CNTN1: variants seen among roughly 807,000 people sequenced by gnomAD.
CNTN1 encodes the protein contactin-1.
Under a neutral mutation model 126.4 loss-of-function variants are expected in CNTN1, and 38 were observed. That is an observed-to-expected ratio of 0.30 (90% CI 0.23 to 0.39). The LOEUF (loss-of-function observed/expected upper bound fraction) is 0.39. Ranked by LOEUF, CNTN1 falls within the 10% of genes least tolerant of loss-of-function variation. The pLI, the probability that CNTN1 is intolerant of heterozygous loss-of-function variation, is 1.00. For missense variants in CNTN1, 1,009 were observed against 1,248.4 expected, an observed-to-expected ratio of 0.81 and a Z score of 2.89; for synonymous variants, 413 against 422.6, an observed-to-expected ratio of 0.98 and a Z score of 0.28.
In CNTN1 at chr12:40,923,199, A is replaced by C; in HGVS notation, c.400+771A>C. On this transcript the variant is annotated intron_variant, in intron 5 of 23. Coordinates refer to ENST00000551295, the MANE Select transcript of CNTN1 (RefSeq NM_001843.4). Reference sequence around the variant, plus strand: ...AATTTAATTATATTTTAGTTAATTTATTTTAAATTTAAATTACATGAAACA... The same window carrying C: ...AATTTAATTATATTTTAGTTAATTTCTTTTAAATTTAAATTACATGAAACA... Among the ~76,000 whole-genome samples the C allele has an allele frequency of 2.0e-5, 3 of 152,138 alleles. No homozygotes were observed. The Middle Eastern group carries it at 0.01, about 517-fold the overall frequency.
chr12:41,048,223 C>G (rs1949588768), intron 23 of CNTN1, among the ~76,000 whole-genome samples: 1 of 152,180 alleles, frequency 6.6e-6, no homozygotes, highest in African/African-American at 2.4e-5. Context: ...TTCATGACCA[C>G]AAAACTTCAA....
chr12:40,857,029 A>C (rs1019917128), intron 1 of CNTN1, among the ~76,000 whole-genome samples: 3 of 152,126 alleles, frequency 2.0e-5, no homozygotes, highest in African/African-American at 4.8e-5. Flanking sequence ...TGACATACAT[A>C]TTAATAAGAG....
intron 1 of CNTN1, among the ~76,000 whole-genome samples, chr12:40,721,581 A>G (rs1942214423): frequency 6.6e-6 from 1 of 151,288 alleles, no homozygotes; most frequent in South Asian, 2.1e-4. Context: ...TTTAAGTTTT[A>G]GGGTACATGT....
At chr12:40,938,731 GA>G (rs1343269680) in intron 11 of CNTN1, among the ~76,000 whole-genome samples, 1 of 152,136 alleles carries the variant, frequency 6.6e-6, no homozygotes, top group Non-Finnish European at 1.5e-5. Flanking sequence ...ACAGAATTCA[GA>G]GTTAATTTTA....
At chr12:40,696,437 A>G (rs1036739804) in intron 1 of CNTN1, among the ~76,000 whole-genome samples, 4 of 152,260 alleles carry the variant, frequency 2.6e-5, no homozygotes, top group Non-Finnish European at 5.9e-5. Flanking sequence ...GGATGAGTCC[A>G]GTAGGCAAGT....
At chr12:40,880,897 T>C (rs12318890) in intron 1 of CNTN1, among the ~76,000 whole-genome samples, 14,448 of 151,954 alleles carry the variant, frequency 0.095, 879 homozygotes, top group African/African-American at 0.16. Context: ...GAAACTTTGG[T>C]TTGCTTCTGA....
intron 1 of CNTN1, among the ~76,000 whole-genome samples, chr12:40,696,174 A>G (rs1941447396): frequency 6.6e-6 from 1 of 152,242 alleles, no homozygotes; most frequent in Non-Finnish European, 1.5e-5. Context: ...TATTGTAGCA[A>G]TTGTAATGCA....
chr12:40,940,469 G>A (rs1946229434), intron 12 of CNTN1, among the ~76,000 whole-genome samples: 1 of 152,090 alleles, frequency 6.6e-6, no homozygotes, highest in Admixed American at 6.6e-5. Context: ...TTGAAAGACT[G>A]TTATTACTCA....
chr12:40,736,028 T>C (rs1937662767), intron 1 of CNTN1, among the ~76,000 whole-genome samples: 1 of 151,996 alleles, frequency 6.6e-6, no homozygotes, highest in African/African-American at 2.4e-5. Context: ...TGCAGCTGTC[T>C]CAGAAAGATG....
chr12:40,812,380 T>A (rs1475055274), intron 1 of CNTN1, among the ~76,000 whole-genome samples: 1 of 152,130 alleles, frequency 6.6e-6, no homozygotes, highest in Non-Finnish European at 1.5e-5. Context: ...GTTCTGTGTA[T>A]GTCTTGTGTT....
intron 1 of CNTN1, among the ~76,000 whole-genome samples, chr12:40,714,010 G>A (rs975831378): frequency 6.6e-6 from 1 of 151,980 alleles, no homozygotes; most frequent in African/African-American, 2.4e-5. Flanking sequence ...TCACTGGAAA[G>A]ATCTTATTTT....
chr12:41,000,621 CAT>C (rs1401993697), intron 17 of CNTN1, among the ~76,000 whole-genome samples: 2 of 122,178 alleles, frequency 1.6e-5, no homozygotes, highest in African/African-American at 7.0e-5. Flanking sequence ...ACAAAATAAT[CAT>C]ATAGTTTTAT....
intron 1 of CNTN1, among the ~76,000 whole-genome samples, chr12:40,731,559 G>T (rs149800822): frequency 6.6e-6 from 1 of 151,778 alleles, no homozygotes; most frequent in South Asian, 2.1e-4. Context: ...TATTTTGCTC[G>T]CAGGGATTTT....
intron 1 of CNTN1, among the ~76,000 whole-genome samples, chr12:40,897,933 T>G (rs1944469416): frequency 6.6e-6 from 1 of 152,234 alleles, no homozygotes; most frequent in South Asian, 2.1e-4. Flanking sequence ...TAAGGTGCCA[T>G]GATTTTAACA....
chr12:40,985,783 C>T (rs1947941523), intron 16 of CNTN1, among the ~76,000 whole-genome samples: 1 of 152,052 alleles, frequency 6.6e-6, no homozygotes, highest in African/African-American at 2.4e-5. Flanking sequence ...CTGCTCTACT[C>T]TCTCTTCTTG....
intron 1 of CNTN1, among the ~76,000 whole-genome samples, chr12:40,871,629 A>G (rs1011227466): frequency 2.0e-5 from 3 of 152,204 alleles, no homozygotes; most frequent in African/African-American, 7.2e-5. Context: ...TGATCCCCAA[A>G]GAGACAGAGG....
intron 1 of CNTN1, among the ~76,000 whole-genome samples, chr12:40,757,608 CA>C (rs1938663712): frequency 2.0e-5 from 3 of 152,126 alleles, no homozygotes; most frequent in Non-Finnish European, 4.4e-5. Context: ...GTATTGGTTT[CA>C]GCTTCCACTA....
rs1409398926 is a variant in CNTN1 at position 40,980,415 on chromosome 12, C to T, written c.1805-494C>T. 2.0e-5 allele frequency among the ~76,000 whole-genome samples: 3 copies of T among 148,504 alleles called. No homozygotes were observed. The Admixed American group carries it at 2.0e-4, about 10-fold the overall frequency. On this transcript the variant is annotated intron_variant, in intron 15 of 23. Transcript: ENST00000551295. ...GTGAGCCATGATCATCCCCACTGCA[C>T]TCCAGCCTGGGTGACAGAGTGAGAC...
chr12:40,902,284 A>G (rs1425679705), intron 1 of CNTN1, among the ~76,000 whole-genome samples: 1 of 152,204 alleles, frequency 6.6e-6, no homozygotes, highest in Non-Finnish European at 1.5e-5. Flanking sequence ...CTGACACCTC[A>G]GAAGATGAAG....
Sources: gnomAD v4.1 joint callset for allele counts (sites outside exome capture counted in the v4.1 genomes callset) on GRCh38, gnomAD v4.1.1 for gene constraint, MANE v1.5 for transcripts, NCBI Gene and HGNC (gene_info 2026-07-23, HGNC 2026-07-21) for gene names.